Variants in PTPN13 observed in about 807,000 individuals in gnomAD.
The protein encoded by PTPN13 is tyrosine-protein phosphatase non-receptor type 13.
PTPN13 carries 191 observed loss-of-function variants against 284.0 expected under a neutral mutation model. The observed-to-expected ratio is 0.67, with a 90% CI of 0.60 to 0.76. The LOEUF (loss-of-function observed/expected upper bound fraction) is 0.76. Among genes scored for constraint, PTPN13 ranks in the 30% least tolerant of loss-of-function variants. PTPN13 has a pLI of 0.00. For missense variants in PTPN13, 2,797 were observed against 2,939.9 expected (o/e 0.95, Z 1.12); for synonymous variants, 986 against 1,022.3 (o/e 0.96, Z 0.68).
At position 86,701,456 on chromosome 4, in the gene PTPN13, A is replaced by G. The variant is rs772002358; in HGVS notation, c.850A>G (p.Lys284Glu). Residue 284 changes from lysine to glutamate, a missense_variant, in exon 7 of 48, where the codon AAA (lysine) becomes GAA (glutamate). By Grantham distance (56) the Lys-to-Glu change is moderately conservative. Transcript: ENST00000411767. ...CCAGTTCAAAACTAGTGGCCCAGAA[A>G]AAAAACCCATCCCTGGCATTGATGT... is the stretch of plus-strand genomic sequence containing the variant. ...PYQFKTSGPE[K>E]KPIPGIDVLS... The G allele has an allele frequency of 1.9e-6, 3 of 1,613,908 alleles. No individual in the cohort carries two copies. The highest frequency in any genetic ancestry group is 2.5e-6 in the Non-Finnish European group (3 of 1,179,832).
intron 45 of PTPN13, 106 bp from the exon 46 acceptor site, chr4:86,809,663 C>T: frequency 9.5e-7 from 1 of 1,053,664 alleles, no homozygotes; most frequent in African/African-American, 1.6e-5. Context: ...TGCACTCCAG[C>T]CTGGACAACA....
chr4:86,791,071 G>A (rs28619493), intron 40 of PTPN13, among the ~76,000 whole-genome samples: 15,101 of 152,058 alleles, frequency 0.099, 865 homozygotes, highest in Non-Finnish European at 0.11. Flanking sequence ...AAGGTGTCAG[G>A]GGATTTCCCT....
At chr4:86,725,603 G>T (rs1734160447) in intron 10 of PTPN13, among the ~76,000 whole-genome samples, 1 of 149,618 alleles carries the variant, frequency 6.7e-6, no homozygotes, top group African/African-American at 2.4e-5. Context: ...TCTGTTGGCT[G>T]CATAAATGTC....
intron 13 of PTPN13, 131 bp downstream of exon 13, chr4:86,734,587 C>T (rs1162207356): frequency 1.6e-6 from 2 of 1,263,050 alleles, no homozygotes; most frequent in African/African-American, 3.0e-5. Context: ...ATATTTCTTT[C>T]AACACAGTTT....
chr4:86,761,169 T>TATATATATATATATAA (rs1188928906), intron 23 of PTPN13, among the ~76,000 whole-genome samples: 2 of 145,100 alleles, frequency 1.4e-5, no homozygotes, highest in African/African-American at 5.0e-5. Flanking sequence ...TATATATATA[T>TATATATATATATATAA]AAACACAACA....
chr4:86,802,653 A>G (rs957399899), intron 42 of PTPN13, among the ~76,000 whole-genome samples: 1 of 152,164 alleles, frequency 6.6e-6, no homozygotes, highest in African/African-American at 2.4e-5. Flanking sequence ...TAATTCTATT[A>G]CCTTATTAAT....
Position 86,635,323 on chromosome 4 carries a change from G to C in PTPN13, c.67G>C (p.Ala23Pro). ...ACCACTTCAGGAGGAAGAAATATGGGCTGTATTAAATCAAAGTGCTGAAAG... is the reference window on the plus strand; with the variant it reads ...ACCACTTCAGGAGGAAGAAATATGGCCTGTATTAAATCAAAGTGCTGAAAG... ...GGPLQEEEIW[A>P]VLNQSAESLQ... Residue 23 changes from alanine (A) to proline (P), a missense_variant, in exon 2 of 48, where the codon GCT becomes CCT. Transcript: ENST00000411767. 1 of 1,607,462 alleles carries C rather than the reference G, an allele frequency of 6.2e-7. No homozygotes were observed.
intron 7 of PTPN13, among the ~76,000 whole-genome samples, chr4:86,714,389 G>A (rs758595546): frequency 2.6e-5 from 4 of 151,776 alleles, no homozygotes; most frequent in Non-Finnish European, 5.9e-5. Flanking sequence ...CAGTCTACTC[G>A]TCCCACATGT....
At position 86,814,602 on chromosome 4, in the gene PTPN13, A is replaced by AG; in HGVS notation, c.*52dup. 1 of 1,422,916 alleles carries AG rather than the reference A, an allele frequency of 7.0e-7. No individual in the cohort carries two copies. Among genetic ancestry groups the AG allele is most frequent in the Non-Finnish European group, 9.9e-7 (1 of 1,010,254 alleles). The allele number at this position is 1,422,916 out of a possible 1,614,324, so 88.1% of individuals were successfully genotyped here. ...TCCATTTCTCTCCTTAACCTCCAGC[A>AG]GACTCCTGCTCTCTATCCAAAATAA... is the stretch of plus-strand genomic sequence containing the variant. On this transcript the variant is annotated 3_prime_UTR_variant, in exon 48 of 48. Coordinates refer to ENST00000411767, the MANE Select transcript of PTPN13 (RefSeq NM_080683.3).
At chr4:86,697,660 C>T (rs1218489426) in intron 6 of PTPN13, among the ~76,000 whole-genome samples, 1 of 152,138 alleles carries the variant, frequency 6.6e-6, no homozygotes, top group Non-Finnish European at 1.5e-5. Flanking sequence ...AGAACTTACG[C>T]ATATTAGTAA....
chr4:86,659,683 G>C (rs1325931623), intron 2 of PTPN13, among the ~76,000 whole-genome samples: 1 of 151,988 alleles, frequency 6.6e-6, no homozygotes, highest in Non-Finnish European at 1.5e-5. Context: ...GGGCATGGTG[G>C]TGCACGCCTG....
At chr4:86,641,360 G>A (rs1723761485) in intron 2 of PTPN13, among the ~76,000 whole-genome samples, 1 of 151,822 alleles carries the variant, frequency 6.6e-6, no homozygotes, top group African/African-American at 2.4e-5. Flanking sequence ...GAACTTGTAC[G>A]TTGTTCCTGT....
chr4:86,762,811 C>G lies in PTPN13; in HGVS notation c.3638C>G (p.Ser1213Cys). Reference sequence around the variant, plus strand: ...TACATGCAAGACAGTGCTATAGATTCTTCTTCCAAGGATCACCACTGGTCA... The same window carrying G: ...TACATGCAAGACAGTGCTATAGATTGTTCTTCCAAGGATCACCACTGGTCA... ...SSYMQDSAIDSSSKDHHWSRG... is the reference protein window; with the variant it reads ...SSYMQDSAIDCSSKDHHWSRG... Residue 1213 changes from serine (S) to cysteine (C), a missense_variant, in exon 24 of 48, where the codon TCT becomes TGT. By Grantham distance (112) the Ser-to-Cys change is moderately radical. Transcript: ENST00000411767. The G allele has an allele frequency of 2.5e-6, 4 of 1,613,802 alleles. No individual in the cohort carries two copies. The highest frequency in any genetic ancestry group is 2.2e-5 in the South Asian group (2 of 91,074).
chr4:86,738,939 C>T (rs1465276084), intron 15 of PTPN13, among the ~76,000 whole-genome samples: 1 of 152,184 alleles, frequency 6.6e-6, no homozygotes, highest in Non-Finnish European at 1.5e-5. Context: ...CCTTGGCCTC[C>T]CAAAGTGCTG....
At chr4:86,779,231 C>T (rs28405358) in intron 35 of PTPN13, among the ~76,000 whole-genome samples, 2,000 of 152,054 alleles carry the variant, frequency 0.013, 55 homozygotes, top group African/African-American at 0.046. Flanking sequence ...GTTTCCTCTA[C>T]GGTGAAACCC....
intron 14 of PTPN13, among the ~76,000 whole-genome samples, 192 bp from the exon 15 acceptor site, chr4:86,735,402 A>C (rs773693033): frequency 6.6e-6 from 1 of 152,234 alleles, no homozygotes; most frequent in Non-Finnish European, 1.5e-5. Context: ...CTTGCTGATC[A>C]GTTCAGTCAT....
intron 10 of PTPN13, among the ~76,000 whole-genome samples, chr4:86,723,911 C>T (rs1733945769): frequency 6.6e-6 from 1 of 151,984 alleles, no homozygotes; most frequent in Non-Finnish European, 1.5e-5. Context: ...ATTTTCTGTT[C>T]TTTGCTTCAG....
At chr4:86,708,971 CCTT>C (rs1732071220) in intron 7 of PTPN13, among the ~76,000 whole-genome samples, 1 of 151,924 alleles carries the variant, frequency 6.6e-6, no homozygotes, top group South Asian at 2.1e-4. Context: ...CTCCCCACTC[CCTT>C]CTTTCTTACT....
intron 20 of PTPN13, among the ~76,000 whole-genome samples, chr4:86,755,777 G>A (rs192246779): frequency 4.6e-5 from 7 of 152,128 alleles, no homozygotes; most frequent in Admixed American, 3.9e-4. Flanking sequence ...TTTAAGTTAG[G>A]CTAGGCTAAA....
Sources: gnomAD v4.1 joint callset for allele counts (sites outside exome capture counted in the v4.1 genomes callset) on GRCh38, gnomAD v4.1.1 for gene constraint, MANE v1.5 for transcripts, NCBI Gene and HGNC (gene_info 2026-07-23, HGNC 2026-07-21) for gene names.